AFG2A: variants seen among roughly 807,000 people sequenced by gnomAD.
AFG2A encodes the protein AAA ATPase AFG2A, also known as ATPase family gene 2 protein homolog A.
At chr4:123,048,450 T>C in the AFG2A span, among the ~76,000 whole-genome samples, 2 of 152,288 alleles carry the variant, frequency 1.3e-5, no homozygotes, top group East Asian at 3.9e-4. Flanking sequence ...TTGCTTTGGG[T>C]AGTGTAGACA....
At chr4:123,061,411 C>T in the AFG2A span, among the ~76,000 whole-genome samples, 8,199 of 152,260 alleles carry the variant, frequency 0.054, 529 homozygotes, top group African/African-American at 0.16. Context: ...ATTAGTTCCA[C>T]ATCGCTGGGG....
the AFG2A span, among the ~76,000 whole-genome samples, chr4:123,258,950 T>C: frequency 0.014 from 1,942 of 138,278 alleles, 30 homozygotes; most frequent in Admixed American, 0.042. Context: ...CACTGCAACC[T>C]CCGCCTCCCG....
chr4:123,302,309 C>T, the AFG2A span, among the ~76,000 whole-genome samples: 2 of 151,850 alleles, frequency 1.3e-5, no homozygotes, highest in South Asian at 4.1e-4. Context: ...AGTGCTTTTA[C>T]CCAAAGTGTG....
chr4:123,083,211 A>G, the AFG2A span, among the ~76,000 whole-genome samples: 2 of 152,292 alleles, frequency 1.3e-5, no homozygotes, highest in African/African-American at 2.4e-5. Flanking sequence ...GTTCTTAATC[A>G]TAGCAGAAAA....
At chr4:123,225,302 TG>T in the AFG2A span, among the ~76,000 whole-genome samples, 1 of 152,226 alleles carries the variant, frequency 6.6e-6, no homozygotes, top group African/African-American at 2.4e-5. Flanking sequence ...ATGTCCTGAA[TG>T]GTGTTGCCTA....
chr4:122,936,224 C>A, the AFG2A span: 1 of 1,184,126 alleles, frequency 8.4e-7, no homozygotes, highest in Non-Finnish European at 1.2e-6. Context: ...GAGATACTAG[C>A]ACCTTATACA....
the AFG2A span, among the ~76,000 whole-genome samples, chr4:123,111,466 T>C: frequency 3.3e-5 from 5 of 152,334 alleles, no homozygotes; most frequent in South Asian, 8.3e-4. Context: ...TAAAGTCTTA[T>C]GGTAGCCTAT....
chr4:123,147,950 A>G, the AFG2A span, among the ~76,000 whole-genome samples: 2 of 152,202 alleles, frequency 1.3e-5, no homozygotes, highest in Non-Finnish European at 2.9e-5. Context: ...ATATTTTTCT[A>G]AGAATTATTA....
the AFG2A span, among the ~76,000 whole-genome samples, chr4:123,041,329 G>C: frequency 2.1e-5 from 3 of 140,534 alleles, no homozygotes; most frequent in East Asian, 6.3e-4. Context: ...CACCGTGTTA[G>C]CCAGGATAGT....
chr4:123,182,328 C>T, the AFG2A span, among the ~76,000 whole-genome samples: 2 of 152,190 alleles, frequency 1.3e-5, no homozygotes, highest in Non-Finnish European at 2.9e-5. Context: ...CAAATAGACA[C>T]TCAGTGGCTA....
the AFG2A span, among the ~76,000 whole-genome samples, chr4:123,169,050 G>T: frequency 6.6e-6 from 1 of 152,162 alleles, no homozygotes; most frequent in East Asian, 1.9e-4. Context: ...AGAAACTGTC[G>T]TGTCAGCTTA....
chr4:123,245,285 C>G, the AFG2A span, among the ~76,000 whole-genome samples: 1 of 152,078 alleles, frequency 6.6e-6, no homozygotes, highest in Non-Finnish European at 1.5e-5. Flanking sequence ...CATTAAGAAC[C>G]CATGGGTTTA....
chr4:123,052,671 G>A, the AFG2A span, among the ~76,000 whole-genome samples: 51 of 152,300 alleles, frequency 3.3e-4, no homozygotes, highest in African/African-American at 1.2e-3. Flanking sequence ...TAAACACTAG[G>A]AGACTGTATT....
the AFG2A span, among the ~76,000 whole-genome samples, chr4:123,091,919 A>T: frequency 6.6e-6 from 1 of 152,206 alleles, no homozygotes; most frequent in African/African-American, 2.4e-5. Flanking sequence ...TCCTGTGTAC[A>T]TATACACATT....
the AFG2A span, among the ~76,000 whole-genome samples, chr4:123,059,297 TC>T: frequency 3.4e-5 from 4 of 116,266 alleles, no homozygotes; most frequent in African/African-American, 9.0e-5. Context: ...AAGCCATCCC[TC>T]CCCCCTCCCC....
At chr4:122,957,765 C>A in the AFG2A span, among the ~76,000 whole-genome samples, 3 of 152,036 alleles carry the variant, frequency 2.0e-5, no homozygotes, top group African/African-American at 4.8e-5. Flanking sequence ...TGATAAGTTT[C>A]CTTGGGCAGG....
At chr4:123,312,959 A>G in the AFG2A span, among the ~76,000 whole-genome samples, 1 of 152,140 alleles carries the variant, frequency 6.6e-6, no homozygotes, top group Admixed American at 6.5e-5. Context: ...AATGTGTTTC[A>G]GCTGGCCCTT....
chr4:123,129,637 C>G, the AFG2A span, among the ~76,000 whole-genome samples: 3 of 152,072 alleles, frequency 2.0e-5, no homozygotes, highest in East Asian at 5.8e-4. Flanking sequence ...TCTTCTATTT[C>G]TTTGTCCTCC....
the AFG2A span, among the ~76,000 whole-genome samples, chr4:123,174,308 C>A: frequency 4.6e-5 from 7 of 152,206 alleles, no homozygotes; most frequent in Admixed American, 1.3e-4. Context: ...CAGAACTTTA[C>A]TAAAGGACGT....
Sources: allele counts gnomAD v4.1 joint callset (sites outside exome capture counted in the v4.1 genomes callset), GRCh38; gene constraint gnomAD v4.1.1; transcripts MANE v1.5; gene names NCBI Gene and HGNC (gene_info 2026-07-23, HGNC 2026-07-21).